ADGRL2: variants seen among roughly 807,000 people sequenced by gnomAD.
ADGRL2 encodes the protein calcium-independent alpha-latrotoxin receptor 2.
ADGRL2 carries 44 observed loss-of-function variants against 157.4 expected under a neutral mutation model. That is an observed-to-expected ratio of 0.28 (90% CI 0.22 to 0.36). The LOEUF is 0.36. ADGRL2 is among the 10% of genes least tolerant of loss of function. The pLI, the probability that ADGRL2 is intolerant of heterozygous loss-of-function variation, is 1.00. For synonymous variants in ADGRL2, 585 were observed against 624.7 expected, an observed-to-expected ratio of 0.94 and a Z score of 0.95; for missense variants, 1,510 against 1,768.9, an observed-to-expected ratio of 0.85 and a Z score of 2.63.
intron 3 of ADGRL2, among the ~76,000 whole-genome samples, chr1:81,590,695 A>G (rs1483295603): frequency 6.6e-6 from 1 of 152,162 alleles, no homozygotes; most frequent in Non-Finnish European, 1.5e-5. Flanking sequence ...ATCTTCCATA[A>G]TAAACCCATT....
chr1:81,366,774 A>G lies in ADGRL2; in HGVS notation c.-302+60265A>G, dbSNP rs191165439. ...TAATGAATTTTAGTTACTTCTTTTC[A>G]GGTCTGTGATTTTTGAAAACCTCCC... On this transcript the variant is annotated intron_variant, in intron 1 of 24. Coordinates refer to the ADGRL2 transcript ENST00000370721. 3.3e-5 allele frequency among the ~76,000 whole-genome samples: 5 copies of G among 152,114 alleles called. No individual in the cohort carries two copies. The East Asian group carries it at 9.7e-4, about 29-fold the overall frequency.
At chr1:81,684,304 TA>T (rs1439301315) in intron 3 of ADGRL2, among the ~76,000 whole-genome samples, 8 of 152,352 alleles carry the variant, frequency 5.3e-5, no homozygotes, top group Admixed American at 2.6e-4. Context: ...TACTGTTTTT[TA>T]ATTTTTTTAT....
intron 4 of ADGRL2, among the ~76,000 whole-genome samples, chr1:81,941,247 T>C (rs1164453726): frequency 6.6e-6 from 1 of 151,360 alleles, no homozygotes; most frequent in Non-Finnish European, 1.5e-5. Context: ...AAGAATTTTA[T>C]AATAAAATGT....
chr1:81,515,970 A>G (rs2079168935), intron 2 of ADGRL2, among the ~76,000 whole-genome samples: 1 of 152,212 alleles, frequency 6.6e-6, no homozygotes, highest in African/African-American at 2.4e-5. Flanking sequence ...AAATGACTTC[A>G]TGGTATTCCA....
chr1:81,813,529 C>T (rs1175956276), intron 1 of ADGRL2, among the ~76,000 whole-genome samples: 4 of 151,396 alleles, frequency 2.6e-5, no homozygotes, highest in Admixed American at 6.6e-5. Flanking sequence ...AGCGTGGCCC[C>T]GTATTATCTT....
At chr1:81,412,151 T>G (rs2076956508) in intron 1 of ADGRL2, among the ~76,000 whole-genome samples, 1 of 152,174 alleles carries the variant, frequency 6.6e-6, no homozygotes, top group African/African-American at 2.4e-5. Context: ...GGGAAACTGA[T>G]GCAGAGAAAA....
At chr1:81,439,885 T>C (rs1239947650) in intron 1 of ADGRL2, among the ~76,000 whole-genome samples, 3 of 152,194 alleles carry the variant, frequency 2.0e-5, no homozygotes, top group African/African-American at 7.2e-5. Flanking sequence ...TGAGGTCACA[T>C]AAACAGTTGA....
At chr1:81,438,409 T>C (rs1292871342) in intron 1 of ADGRL2, among the ~76,000 whole-genome samples, 1 of 152,216 alleles carries the variant, frequency 6.6e-6, no homozygotes, top group East Asian at 1.9e-4. Context: ...TTCTAGCACA[T>C]TGTATTATTT....
chr1:81,521,358 G>T (rs930231925), intron 2 of ADGRL2, among the ~76,000 whole-genome samples: 2 of 152,002 alleles, frequency 1.3e-5, no homozygotes, highest in Non-Finnish European at 2.9e-5. Context: ...ATGTTAAACA[G>T]GATAAAATTA....
At chr1:81,349,560 A>G (rs1159817242) in intron 1 of ADGRL2, among the ~76,000 whole-genome samples, 1 of 91,810 alleles carries the variant, frequency 1.1e-5, no homozygotes, top group Non-Finnish European at 2.2e-5. Flanking sequence ...CTTCTACCCC[A>G]CCCCCACCTA....
chr1:81,615,844 G>T (rs867289211), intron 3 of ADGRL2, among the ~76,000 whole-genome samples: 2 of 152,184 alleles, frequency 1.3e-5, no homozygotes, highest in Non-Finnish European at 2.9e-5. Context: ...AGGAAGAAGC[G>T]ATCCAGTGCT....
intron 2 of ADGRL2, among the ~76,000 whole-genome samples, chr1:81,869,051 T>A (rs188044602): frequency 7.2e-5 from 11 of 152,124 alleles, no homozygotes; most frequent in African/African-American, 2.4e-4. Context: ...GAAAATAGTT[T>A]AGAGATGAAA....
intron 1 of ADGRL2, among the ~76,000 whole-genome samples, chr1:81,757,061 T>G (rs1377386903): frequency 3.3e-5 from 5 of 152,142 alleles, no homozygotes; most frequent in Non-Finnish European, 5.9e-5. Flanking sequence ...GTAGCTAATG[T>G]TTGCTATCAC....
chr1:81,800,385 C>A (rs796513622), upstream of ADGRL2: 2 of 152,246 alleles, frequency 1.3e-5, no homozygotes, highest in East Asian at 3.9e-4. Flanking sequence ...CGCAGCCGGA[C>A]GGAGGCAGCC....
chr1:81,391,359 A>G (rs1352500933), intron 1 of ADGRL2, among the ~76,000 whole-genome samples: 3 of 152,302 alleles, frequency 2.0e-5, no homozygotes, highest in South Asian at 2.1e-4. Context: ...CGATTTTACT[A>G]TTGTAATGTA....
At chr1:81,575,421 A>G (rs2080778721) in intron 2 of ADGRL2, among the ~76,000 whole-genome samples, 1 of 151,994 alleles carries the variant, frequency 6.6e-6, no homozygotes, top group African/African-American at 2.4e-5. Context: ...ACATACCCAC[A>G]AGAGAAACAG....
chr1:81,497,349 C>T (rs998456803), intron 2 of ADGRL2, among the ~76,000 whole-genome samples: 7 of 151,820 alleles, frequency 4.6e-5, no homozygotes, highest in African/African-American at 1.7e-4. Context: ...ATTTAGTGGA[C>T]TTCTTAATAT....
chr1:81,984,856 GTCT>G, intron 20 of ADGRL2, 145 bp downstream of exon 20: 1 of 883,738 alleles, frequency 1.1e-6, no homozygotes, highest in South Asian at 2.0e-5. Context: ...TGGTTTCAAT[GTCT>G]TCTTAAACAT....
intron 3 of ADGRL2, among the ~76,000 whole-genome samples, chr1:81,679,684 A>G (rs148367982): frequency 2.0e-5 from 3 of 152,236 alleles, no homozygotes; most frequent in East Asian, 3.9e-4. Flanking sequence ...TCCTTTTTCT[A>G]TTTATCAAAG....
Sources: gnomAD v4.1 joint callset for allele counts (sites outside exome capture counted in the v4.1 genomes callset) on GRCh38, gnomAD v4.1.1 for gene constraint, MANE v1.5 for transcripts, NCBI Gene and HGNC (gene_info 2026-07-23, HGNC 2026-07-21) for gene names.